The following COL25A1 variants were observed in gnomAD, a reference collection of about 807,000 sequenced individuals.
The protein encoded by COL25A1 is collagen alpha-1(XXV) chain.
A neutral mutation model predicts 128.4 loss-of-function variants in COL25A1; 103 were observed. The observed-to-expected ratio is 0.80, with a 90% CI of 0.68 to 0.94. The LOEUF is 0.94. Among genes scored for constraint, COL25A1 ranks in the 40% least tolerant of loss-of-function variants. COL25A1 has a pLI of 0.00. For missense variants in COL25A1, 745 were observed against 840.0 expected (o/e 0.89, Z 1.40); for synonymous variants, 279 against 277.2 (o/e 1.01, Z -0.06).
chr4:109,254,251 C>A (rs1578558902), intron 3 of COL25A1, among the ~76,000 whole-genome samples: 1 of 151,294 alleles, frequency 6.6e-6, no homozygotes, highest in East Asian at 1.9e-4. Flanking sequence ...CCTTTTGCCT[C>A]AGTACTCAAT....
intron 11 of COL25A1, among the ~76,000 whole-genome samples, chr4:108,934,264 C>T (rs964500374): frequency 9.3e-5 from 13 of 139,894 alleles, no homozygotes; most frequent in Non-Finnish European, 2.0e-4. Context: ...TGTTCTCACT[C>T]ATAGGTGGGA....
At chr4:108,917,529 G>T (rs1745012256) in intron 13 of COL25A1, among the ~76,000 whole-genome samples, 1 of 152,164 alleles carries the variant, frequency 6.6e-6, no homozygotes. Context: ...GGCCGGTCAG[G>T]GATGTTGAGG....
At chr4:108,887,047 C>A (rs372343745) in intron 18 of COL25A1, among the ~76,000 whole-genome samples, 1 of 152,150 alleles carries the variant, frequency 6.6e-6, no homozygotes, top group Non-Finnish European at 1.5e-5. Context: ...TATAAATCTA[C>A]ACACTCACTC....
chr4:109,203,194 C>T (rs1363442061), intron 3 of COL25A1, among the ~76,000 whole-genome samples: 3 of 151,906 alleles, frequency 2.0e-5, no homozygotes, highest in South Asian at 4.2e-4. Context: ...AAACAGGATG[C>T]ATATGAGGGA....
intron 6 of COL25A1, among the ~76,000 whole-genome samples, chr4:108,993,587 C>T (rs779618941): frequency 1.3e-5 from 2 of 152,080 alleles, no homozygotes; most frequent in South Asian, 4.1e-4. Flanking sequence ...AAGCTGGGTG[C>T]GGTGACTCAC....
Position 109,000,695 on chromosome 4 carries a change from G to A in COL25A1, c.438+9663C>T, listed in dbSNP as rs550600284. Among the ~76,000 whole-genome samples, 24 of 129,088 alleles carry A rather than the reference G, an allele frequency of 1.9e-4. 1 individual carries two copies. In the East Asian group the frequency reaches 4.4e-3, roughly 24 times the overall value. The allele number at this position is 129,088 out of a possible 152,430, so 84.7% of individuals were successfully genotyped here. ...CCGGAGGCAAAGGTTGCAGTGAGCCGATATTGTGCCACTGCACTCCAGCCT... is the reference window on the plus strand; with the variant it reads ...CCGGAGGCAAAGGTTGCAGTGAGCCAATATTGTGCCACTGCACTCCAGCCT... On this transcript the variant is annotated intron_variant, in intron 6 of 37. Coordinates refer to ENST00000399132, the MANE Select transcript of COL25A1 (RefSeq NM_198721.4).
intron 3 of COL25A1, among the ~76,000 whole-genome samples, chr4:109,152,195 C>A (rs2126103691): frequency 6.6e-6 from 1 of 151,758 alleles, no homozygotes; most frequent in Admixed American, 6.6e-5. Flanking sequence ...AATAATGAAC[C>A]CCAAAGAAGA....
intron 26 of COL25A1, among the ~76,000 whole-genome samples, chr4:108,850,744 T>C (rs549560049): frequency 4.6e-5 from 7 of 152,282 alleles, no homozygotes; most frequent in Admixed American, 2.0e-4. Flanking sequence ...TTACTAGATA[T>C]TAGTCCTTAC....
At chr4:108,850,817 G>A (rs538239465) in intron 26 of COL25A1, among the ~76,000 whole-genome samples, 3 of 152,054 alleles carry the variant, frequency 2.0e-5, no homozygotes, top group Admixed American at 1.3e-4. Context: ...ATAGCAATTG[G>A]ATTATAAAAC....
chr4:109,090,210 C>A lies in COL25A1; in HGVS notation c.368-40031G>T, dbSNP rs150899669. 6.6e-5 allele frequency among the ~76,000 whole-genome samples: 10 copies of A among 152,146 alleles called. No individual in the cohort carries two copies. The East Asian group carries it at 1.9e-3, about 29-fold the overall frequency. ...TTAAGTTTAAAGTAGTACATTTGACCTATAAAAACCACACGGAACTGATAG... is the reference window on the plus strand; with the variant it reads ...TTAAGTTTAAAGTAGTACATTTGACATATAAAAACCACACGGAACTGATAG... On this transcript the variant is annotated intron_variant, in intron 3 of 37. Transcript: ENST00000399132.
At chr4:108,818,869 T>C (rs1174571253) in intron 36 of COL25A1, among the ~76,000 whole-genome samples, 1 of 152,116 alleles carries the variant, frequency 6.6e-6, no homozygotes, top group Non-Finnish European at 1.5e-5. Flanking sequence ...CTTTTTTTTT[T>C]TTTAGAGAAA....
chr4:108,906,681 T>C (rs1363865833), intron 13 of COL25A1, among the ~76,000 whole-genome samples: 2 of 152,228 alleles, frequency 1.3e-5, no homozygotes, highest in African/African-American at 4.8e-5. Flanking sequence ...TATGTGAAAT[T>C]CAAATTTAAT....
At chr4:109,020,788 T>C (rs1560552682) in intron 5 of COL25A1, among the ~76,000 whole-genome samples, 1 of 152,194 alleles carries the variant, frequency 6.6e-6, no homozygotes, top group African/African-American at 2.4e-5. Flanking sequence ...ACACAAAAAA[T>C]AAAGACTCAT....
chr4:109,218,887 C>T (rs546728844), intron 3 of COL25A1, among the ~76,000 whole-genome samples: 4 of 151,978 alleles, frequency 2.6e-5, no homozygotes, highest in South Asian at 2.1e-4. Flanking sequence ...ATAAAATTTG[C>T]GCCAAAATAG....
chr4:109,269,739 T>C (rs1782064470), intron 3 of COL25A1, among the ~76,000 whole-genome samples: 2 of 152,150 alleles, frequency 1.3e-5, no homozygotes, highest in Non-Finnish European at 2.9e-5. Context: ...TTCTTTCTGA[T>C]ACCAAAGCCG....
At chr4:109,204,177 C>T (rs770630060) in intron 3 of COL25A1, among the ~76,000 whole-genome samples, 4 of 152,102 alleles carry the variant, frequency 2.6e-5, no homozygotes, top group Admixed American at 6.6e-5. Context: ...GGTAGAAAAA[C>T]ACTCTTTTAT....
chr4:108,849,140 G>C (rs999873984), intron 26 of COL25A1, among the ~76,000 whole-genome samples: 3 of 152,078 alleles, frequency 2.0e-5, no homozygotes, highest in Non-Finnish European at 4.4e-5. Flanking sequence ...ATCTGCCTCA[G>C]TTAGTTAATT....
intron 3 of COL25A1, among the ~76,000 whole-genome samples, chr4:109,124,640 A>AAACTTAATTATGCTGTAG (rs1768418258): frequency 6.6e-6 from 1 of 151,992 alleles, no homozygotes; most frequent in Non-Finnish European, 1.5e-5. Flanking sequence ...TTAAATAATT[A>AAACTTAATTATGCTGTAG]AGTTTTCCCT....
At chr4:109,297,381 T>C (rs1725075203) in intron 3 of COL25A1, among the ~76,000 whole-genome samples, 1 of 152,136 alleles carries the variant, frequency 6.6e-6, no homozygotes, top group Non-Finnish European at 1.5e-5. Context: ...ACATCTGGTA[T>C]TAAAACTGTA....
Sources: gnomAD v4.1 joint callset for allele counts (sites outside exome capture counted in the v4.1 genomes callset) on GRCh38, gnomAD v4.1.1 for gene constraint, MANE v1.5 for transcripts, NCBI Gene and HGNC (gene_info 2026-07-23, HGNC 2026-07-21) for gene names.